The following RIT2 variants were observed in gnomAD, a reference collection of about 807,000 sequenced individuals.
The protein encoded by RIT2 is GTP-binding protein Rit2.
In RIT2, 24 loss-of-function variants were observed where a neutral mutation model predicts 23.7. That is an observed-to-expected ratio of 1.01 (90% confidence interval 0.73 to 1.43). The LOEUF (loss-of-function observed/expected upper bound fraction) is 1.43. Ranked by LOEUF, RIT2 falls within the 40% of genes most tolerant of loss-of-function variation. The pLI, the probability that RIT2 is intolerant of heterozygous loss-of-function variation, is 0.00. For synonymous variants in RIT2, 107 were observed against 91.1 expected (o/e 1.17, Z -0.99); for missense variants, 236 against 266.9 (o/e 0.88, Z 0.81).
chr18:42,923,564 G>A lies in RIT2; in HGVS notation c.426+8C>T. On this transcript the variant is annotated splice_region_variant and intron_variant, in intron 4 of 4. Coordinates refer to ENST00000326695, the MANE Select transcript of RIT2 (RefSeq NM_002930.4). ...AGACAGAAGCTACCAGATAAAATCG[G>A]CACTCACCTGGCGGAACTGTTCCAG... The A allele has an allele frequency of 6.2e-7, 1 of 1,610,466 alleles. No homozygotes were observed. Among genetic ancestry groups the A allele is most frequent in the Non-Finnish European group, 8.5e-7 (1 of 1,177,708 alleles).
At chr18:43,052,361 T>G (rs1018263438) in intron 1 of RIT2, among the ~76,000 whole-genome samples, 1 of 152,128 alleles carries the variant, frequency 6.6e-6, no homozygotes, top group African/African-American at 2.4e-5. Context: ...TTAATTGGGC[T>G]TATATGTTTC....
chr18:42,851,155 G>A (rs1907044512), intron 4 of RIT2, among the ~76,000 whole-genome samples: 1 of 152,178 alleles, frequency 6.6e-6, no homozygotes, highest in Non-Finnish European at 1.5e-5. Flanking sequence ...CAAAAGTCTA[G>A]CCAAAGGAAA....
At chr18:43,099,113 A>C (rs1189353246) in intron 1 of RIT2, among the ~76,000 whole-genome samples, 1 of 152,094 alleles carries the variant, frequency 6.6e-6, no homozygotes, top group East Asian at 1.9e-4. Flanking sequence ...AGCACTAACA[A>C]GATCAGCTTT....
At chr18:42,860,688 G>A (rs1446400987) in intron 4 of RIT2, among the ~76,000 whole-genome samples, 5 of 152,136 alleles carry the variant, frequency 3.3e-5, no homozygotes, top group Non-Finnish European at 7.4e-5. Context: ...TTTCTATGTA[G>A]TCTCTACTAG....
At chr18:42,904,792 G>A (rs780150488) in intron 4 of RIT2, among the ~76,000 whole-genome samples, 1 of 151,930 alleles carries the variant, frequency 6.6e-6, no homozygotes, top group Non-Finnish European at 1.5e-5. Flanking sequence ...AGAAATTTGG[G>A]CAAAATACAT....
chr18:42,878,052 G>A (rs181975988), intron 4 of RIT2, among the ~76,000 whole-genome samples: 5 of 150,760 alleles, frequency 3.3e-5, no homozygotes, highest in Admixed American at 6.6e-5. Flanking sequence ...CAAGTATTTC[G>A]GATAAGAGAT....
At chr18:43,094,455 T>A (rs1184543986) in intron 1 of RIT2, among the ~76,000 whole-genome samples, 1 of 152,000 alleles carries the variant, frequency 6.6e-6, no homozygotes, top group Admixed American at 6.6e-5. Context: ...TTACTTTGAA[T>A]TCAGTGAATT....
At chr18:42,900,515 G>A (rs1012722697) in intron 4 of RIT2, among the ~76,000 whole-genome samples, 1 of 151,992 alleles carries the variant, frequency 6.6e-6, no homozygotes, top group Non-Finnish European at 1.5e-5. Flanking sequence ...AAGCTAAAGA[G>A]CTCACAAGAA....
intron 2 of RIT2, among the ~76,000 whole-genome samples, chr18:43,006,112 A>T (rs947725868): frequency 2.0e-5 from 3 of 151,824 alleles, no homozygotes; most frequent in Non-Finnish European, 4.4e-5. Context: ...AGATAAAAGT[A>T]GGGGAAGAGA....
intron 1 of RIT2, among the ~76,000 whole-genome samples, chr18:43,061,623 C>T (rs1912647200): frequency 1.3e-5 from 2 of 152,082 alleles, no homozygotes; most frequent in Non-Finnish European, 1.5e-5. Flanking sequence ...TTAGTTCCTT[C>T]TGAATGATGC....
chr18:43,026,726 A>G (rs1911741388), intron 2 of RIT2, among the ~76,000 whole-genome samples: 1 of 150,962 alleles, frequency 6.6e-6, no homozygotes, highest in South Asian at 2.1e-4. Context: ...TGAACAGGGG[A>G]ATTTAGGAAT....
chr18:42,902,416 A>G (rs1343527618), intron 4 of RIT2, among the ~76,000 whole-genome samples: 1 of 151,768 alleles, frequency 6.6e-6, no homozygotes, highest in Admixed American at 6.6e-5. Flanking sequence ...CAACCAGTGA[A>G]AGTCCCATAG....
rs1327638079 is a variant in RIT2, at chr18:43,085,284, T to C, written c.103+30133A>G. On this transcript the variant is annotated intron_variant, in intron 1 of 4. Coordinates refer to ENST00000326695, the MANE Select transcript of RIT2 (RefSeq NM_002930.4). ...GATATTTTTATCTATGTATACATTG[T>C]GAAAAGATTAAGTCAAACTGATTCA... is the stretch of plus-strand genomic sequence containing the variant. Among the ~76,000 whole-genome samples the C allele has an allele frequency of 2.0e-5, 3 of 152,134 alleles. No individual in the cohort carries two copies. The East Asian group carries it at 5.8e-4, about 29-fold the overall frequency.
chr18:42,804,323 G>T (rs1905617579), intron 4 of RIT2, among the ~76,000 whole-genome samples: 1 of 152,058 alleles, frequency 6.6e-6, no homozygotes, highest in Admixed American at 6.5e-5. Context: ...GGAGGCCAAG[G>T]TGGGTGGATC....
chr18:42,936,909 A>C lies in RIT2; in HGVS notation c.235-13146T>G, dbSNP rs549364814. 3.3e-5 allele frequency among the ~76,000 whole-genome samples: 5 copies of C among 152,008 alleles called. 1 individual carries two copies. The East Asian group carries it at 9.7e-4, about 30-fold the overall frequency. ...TGCCTGTAACCCCAGCTACTCAGGA[A>C]ACTGAGGCAGGGGAATCGCTTGAAC... On this transcript the variant is annotated intron_variant, in intron 3 of 4. Transcript: ENST00000326695.
At chr18:42,867,632 A>T (rs1219761280) in intron 4 of RIT2, among the ~76,000 whole-genome samples, 4 of 48,460 alleles carry the variant, frequency 8.3e-5, no homozygotes, top group Admixed American at 5.8e-4. Flanking sequence ...CCAAAAATTA[A>T]AAAAAAAAAA....
intron 3 of RIT2, among the ~76,000 whole-genome samples, chr18:42,946,087 A>G (rs911687796): frequency 1.3e-5 from 2 of 152,124 alleles, no homozygotes; most frequent in Non-Finnish European, 2.9e-5. Context: ...TTTAATACAA[A>G]ACTAAAATTT....
At chr18:43,099,813 C>A (rs1440017844) in intron 1 of RIT2, among the ~76,000 whole-genome samples, 2 of 151,978 alleles carry the variant, frequency 1.3e-5, no homozygotes, top group African/African-American at 4.8e-5. Context: ...GGCTTAGGCC[C>A]CAACGCTCTC....
intron 1 of RIT2, among the ~76,000 whole-genome samples, chr18:43,047,288 A>G (rs1272804550): frequency 6.6e-6 from 1 of 151,924 alleles, no homozygotes; most frequent in African/African-American, 2.4e-5. Flanking sequence ...ATTTCTCTCA[A>G]TACTCTTTCT....
Sources: allele counts gnomAD v4.1 joint callset (sites outside exome capture counted in the v4.1 genomes callset), GRCh38; gene constraint gnomAD v4.1.1; transcripts MANE v1.5; gene names NCBI Gene and HGNC (gene_info 2026-07-23, HGNC 2026-07-21).